LIG1: variants seen among roughly 807,000 people sequenced by gnomAD.
LIG1 encodes DNA ligase 1.
A neutral mutation model predicts 115.7 loss-of-function variants in LIG1; 70 were observed. The observed-to-expected ratio is 0.60, with a 90% CI of 0.50 to 0.74. LIG1 has a LOEUF of 0.74. Among genes scored for constraint, LIG1 ranks in the 30% least tolerant of loss-of-function variants. The pLI is 0.00. For missense variants in LIG1, 1,115 were observed against 1,225.6 expected (o/e 0.91, Z 1.35); for synonymous variants, 487 against 495.3 (o/e 0.98, Z 0.22).
At chr19:48,123,567 G>A in intron 21 of LIG1, 2 of 566,642 alleles carry the variant, frequency 3.5e-6, no homozygotes. Context: ...GGGGGCTGCG[G>A]CCTTGCTGGA....
At position 48,137,036 on chromosome 19, in the gene LIG1, G is replaced by A. The variant is rs367665775; in HGVS notation, c.1303C>T (p.Arg435Cys). ...GCGATGAACCGGGCTTCTGAGTGGC[G>A]GCAGGCCACAAAGAGGCCTTTGATG... ...DIIKGLFVAC[R>C]HSEARFIARS... The change falls in exon 14 of 28, where the codon CGC becomes TGC. Residue 435 changes from arginine (R) to cysteine (C), a missense_variant. Transcript: ENST00000263274. This position sits in a 1 kb window ranked among gnomAD's most constrained non-coding sequence, Gnocchi z 4.3. 1.8e-5 allele frequency: 29 copies of A among 1,612,410 alleles called. No homozygotes were observed. Among genetic ancestry groups the A allele is most frequent in the African/African-American group, 2.7e-5 (2 of 74,934 alleles).
At chr19:48,156,494 T>C (rs575776144) in intron 5 of LIG1, among the ~76,000 whole-genome samples, 4 of 152,270 alleles carry the variant, frequency 2.6e-5, no homozygotes, top group South Asian at 2.1e-4. Context: ...ATTATCATCA[T>C]CTCTACAGAT....
At chr19:48,160,961 T>C (rs1178463658) in intron 4 of LIG1, among the ~76,000 whole-genome samples, 5 of 152,170 alleles carry the variant, frequency 3.3e-5, no homozygotes, top group Non-Finnish European at 7.3e-5. Flanking sequence ...GGTCTCGAAC[T>C]CCTGGCCTCA....
chr19:48,166,885 C>T (rs1353425722), intron 1 of LIG1, among the ~76,000 whole-genome samples: 1 of 149,986 alleles, frequency 6.7e-6, no homozygotes, highest in Non-Finnish European at 1.5e-5. Context: ...GCAGGAGAAT[C>T]ACTTGAACCC....
chr19:48,120,207 C>T (rs982009323), intron 24 of LIG1: 16 of 985,362 alleles, frequency 1.6e-5, no homozygotes, highest in Non-Finnish European at 8.4e-6. Flanking sequence ...CACACAGCCA[C>T]GGGGAGCTGG....
Position 48,137,835 on chromosome 19 carries a change from G to T in LIG1, c.1088-147C>A. 1 of 1,010,192 alleles carries T rather than the reference G, an allele frequency of 9.9e-7. No homozygotes were observed. Among genetic ancestry groups the T allele is most frequent in the Non-Finnish European group, 1.5e-6 (1 of 682,672 alleles). 62.6% of individuals were successfully genotyped at this position (1,010,192 alleles called of 1,614,324 possible). On this transcript the variant is annotated intron_variant, in intron 12 of 27. Coordinates refer to ENST00000263274, the MANE Select transcript of LIG1 (RefSeq NM_000234.3). The surrounding 1 kb of genome is among the most constrained non-coding windows in gnomAD (Gnocchi z 4.3). ...CCCTGTGTCTAACGCTCACCCACTT[G>T]GTAGAAATGGCTTGGGGAACGTGCC...
intron 1 of LIG1, among the ~76,000 whole-genome samples, chr19:48,168,470 G>T (rs754365246): frequency 2.0e-5 from 3 of 152,144 alleles, no homozygotes; most frequent in Admixed American, 1.3e-4. Context: ...GAGTTGGGGG[G>T]AACAAACTGG....
intron 6 of LIG1, among the ~76,000 whole-genome samples, chr19:48,152,128 ATCT>A (rs1001125802): frequency 6.6e-6 from 1 of 151,806 alleles, no homozygotes; most frequent in African/African-American, 2.4e-5. Flanking sequence ...AAGAAATCAA[ATCT>A]TTTTTTTTTG....
At chr19:48,153,738 TCA>T (rs10625177) in intron 6 of LIG1, 132 bp downstream of exon 6, 4,687 of 411,920 alleles carry the variant, frequency 0.011, 40 homozygotes, top group African/African-American at 0.016. Context: ...CCTCTTGGCT[TCA>T]CACACACACA....
chr19:48,143,453 G>GA (rs2034905987), intron 11 of LIG1, 90 bp downstream of exon 11: 16 of 1,184,750 alleles, frequency 1.4e-5, no homozygotes, highest in South Asian at 6.0e-5. Flanking sequence ...AGTTGACAGG[G>GA]TTTGGCGGAA....
chr19:48,132,953 G>A lies in LIG1; in HGVS notation c.1725+29C>T, dbSNP rs142642320. The A allele has an allele frequency of 2.8e-5, 42 of 1,502,994 alleles. No individual in the cohort carries two copies. In the African/African-American group the frequency reaches 4.9e-4, roughly 18 times the overall value. The allele number at this position is 1,502,994 out of a possible 1,614,324, so 93.1% of individuals were successfully genotyped here. ...CCTGCTCTTTGACGTTTTCCTGTCT[G>A]TGGAAGGGACATGTCCCACTCCCCA... is the stretch of plus-strand genomic sequence containing the variant. On this transcript the variant is annotated intron_variant, in intron 18 of 27. Coordinates refer to ENST00000263274, the MANE Select transcript of LIG1 (RefSeq NM_000234.3).
intron 24 of LIG1, 118 bp from the exon 25 acceptor site, chr19:48,119,308 C>A: frequency 2.4e-6 from 2 of 821,034 alleles, no homozygotes; most frequent in South Asian, 1.4e-5. Flanking sequence ...ACGCAGTATC[C>A]ACAGAAAACC....
In LIG1 at chr19:48,137,920, G is replaced by A; in HGVS notation, c.1088-232C>T. 1 of 608,704 alleles carries A rather than the reference G, an allele frequency of 1.6e-6. No individual in the cohort carries two copies. 37.7% of individuals were successfully genotyped at this position (608,704 alleles called of 1,614,324 possible). A position where few individuals can be genotyped will look rare whatever the true frequency, so the allele number is the denominator to read the frequency against. ...TGCACGTGGAGCCAGGAAAGCGGTG[G>A]ATGAACGAGCATGACCACACTCAGG... is the stretch of plus-strand genomic sequence containing the variant. On this transcript the variant is annotated intron_variant, in intron 12 of 27. Transcript: ENST00000263274. This position sits in a 1 kb window ranked among gnomAD's most constrained non-coding sequence, Gnocchi z 4.3.
intron 21 of LIG1, among the ~76,000 whole-genome samples, chr19:48,125,056 A>C (rs2033574762): frequency 6.6e-6 from 1 of 152,172 alleles, no homozygotes; most frequent in South Asian, 2.1e-4. Flanking sequence ...TTAAACAGAA[A>C]AAAAATGATA....
intron 6 of LIG1, among the ~76,000 whole-genome samples, chr19:48,151,829 G>C (rs1012232788): frequency 6.6e-6 from 1 of 152,104 alleles, no homozygotes; most frequent in Non-Finnish European, 1.5e-5. Flanking sequence ...CTATGTAGCC[G>C]AGACATAAAT....
chr19:48,136,232 A>G (rs2034382481), intron 14 of LIG1, 107 bp from the exon 15 acceptor site: 1 of 783,376 alleles, frequency 1.3e-6, no homozygotes, highest in Non-Finnish European at 2.1e-6. Context: ...CCTCTCCTCA[A>G]AAACCAGAAG....
chr19:48,123,301 G>A lies in LIG1; in HGVS notation c.2022C>T (p.Pro674=). 6 of 1,613,624 alleles carry A rather than the reference G, an allele frequency of 3.7e-6. No individual in the cohort carries two copies. The highest frequency in any genetic ancestry group is 5.1e-6 in the Non-Finnish European group (6 of 1,179,950). Residue 674 remains proline (P), a synonymous_variant, in exon 22 of 28, where the codon CCC becomes CCT. Coordinates refer to ENST00000263274, the MANE Select transcript of LIG1 (RefSeq NM_000234.3). ...YLNGESLVRE[P]LSRRRQLLRE... is the part of the protein sequence containing the mutation. ...GGAGCAGCTGCCGGCGCCGGGAAAG[G>A]GGCTCACGTACCAGGGACTGCAGGG...
chr19:48,168,802 G>A (rs961082982), intron 1 of LIG1, among the ~76,000 whole-genome samples: 3 of 152,136 alleles, frequency 2.0e-5, no homozygotes, highest in Non-Finnish European at 4.4e-5. Flanking sequence ...ACAACTCAGC[G>A]CATACACTGA....
At chr19:48,159,705 G>A (rs889196385) in intron 4 of LIG1, among the ~76,000 whole-genome samples, 1 of 146,802 alleles carries the variant, frequency 6.8e-6, no homozygotes, top group African/African-American at 2.6e-5. Flanking sequence ...AATGCCACTT[G>A]CTTATTTATT....
Sources: allele counts gnomAD v4.1 joint callset (sites outside exome capture counted in the v4.1 genomes callset), GRCh38; gene constraint gnomAD v4.1.1; non-coding constraint Gnocchi (gnomAD v3.1); transcripts MANE v1.5; gene names NCBI Gene and HGNC (gene_info 2026-07-23, HGNC 2026-07-21).